ZBED4: variants seen among roughly 807,000 people sequenced by gnomAD.
ZBED4 encodes the protein zinc finger BED domain-containing protein 4.
In ZBED4, 4 loss-of-function variants were observed where a neutral mutation model predicts 15.5. The observed-to-expected ratio is 0.26, with a 90% CI of 0.13 to 0.59. ZBED4 has a LOEUF of 0.59. Among genes scored for constraint, ZBED4 ranks in the 20% least tolerant of loss-of-function variants. ZBED4 has a pLI of 0.90. For missense variants in ZBED4, 1,323 were observed against 1,461.8 expected (o/e 0.91, Z 1.55); for synonymous variants, 692 against 608.5 (o/e 1.14, Z -2.02).
chr22:49,866,661 A>G (rs796986541), intron 1 of ZBED4, among the ~76,000 whole-genome samples: 10 of 152,282 alleles, frequency 6.6e-5, no homozygotes, highest in African/African-American at 2.2e-4. Context: ...TTCTGTGAGC[A>G]TATTTCGTTA....
Position 49,886,794 on chromosome 22 carries a change from T to C in ZBED4, c.3132T>C (p.Ala1044=). Residue 1044 remains alanine (A), a synonymous_variant, in exon 2 of 2, where the codon GCT becomes GCC. Transcript: ENST00000216268. This position sits in a 1 kb window ranked among gnomAD's most constrained non-coding sequence, Gnocchi z 7.7. ...TGAATTCTACCTCAGAGGACGTGGC[T>C]GCCTCCCACAGGTGTGATGCTGGCT... ...ELMNSTSEDV[A]ASHRCDAGSP... 3.7e-6 allele frequency: 6 copies of C among 1,613,020 alleles called. No individual in the cohort carries two copies. The highest frequency in any genetic ancestry group is 5.1e-6 in the Non-Finnish European group (6 of 1,179,454).
chr22:49,876,343 C>T (rs148388620), intron 1 of ZBED4, among the ~76,000 whole-genome samples: 6 of 151,972 alleles, frequency 3.9e-5, no homozygotes, highest in Non-Finnish European at 8.8e-5. Flanking sequence ...TTTTTATGTA[C>T]CTGTTGGTTA....
chr22:49,871,760 T>TTTA (rs1555923867), intron 1 of ZBED4, among the ~76,000 whole-genome samples: 10 of 128,698 alleles, frequency 7.8e-5, no homozygotes, highest in Middle Eastern at 3.5e-3. Flanking sequence ...TTTATTTATT[T>TTTA]TTTTTTTTTT....
In ZBED4 at chr22:49,853,871, G is replaced by C. The variant is rs1377185092; in HGVS notation, c.-448G>C. 1 of 144,840 alleles carries C rather than the reference G, an allele frequency of 6.9e-6. No individual in the cohort carries two copies. Among genetic ancestry groups the C allele is most frequent in the Non-Finnish European group, 1.5e-5 (1 of 65,258 alleles). The allele number at this position is 144,840 out of a possible 1,614,324, so 9.0% of individuals were successfully genotyped here. On this transcript the variant is annotated 5_prime_UTR_variant, in exon 1 of 2. Coordinates refer to ENST00000216268, the MANE Select transcript of ZBED4 (RefSeq NM_014838.3). ...AGCGTCCGGCGGCGTCGCGGGCGGCGGGCGGCGGGGCCGCGGGAGGGGCGC... is the reference window on the plus strand; with the variant it reads ...AGCGTCCGGCGGCGTCGCGGGCGGCCGGCGGCGGGGCCGCGGGAGGGGCGC...
At chr22:49,883,187 T>C (rs2060418411) in intron 1 of ZBED4, 147 bp from the exon 2 acceptor site, 1 of 152,628 alleles carries the variant, frequency 6.6e-6, no homozygotes, top group South Asian at 2.1e-4. Context: ...TGTAAACGGA[T>C]TGCAGGAAGT....
chr22:49,857,169 G>A (rs920015967), intron 1 of ZBED4, among the ~76,000 whole-genome samples: 6 of 152,254 alleles, frequency 3.9e-5, no homozygotes, highest in East Asian at 1.9e-4. Context: ...GAGCAGGGTC[G>A]GGAGCATGTG....
In ZBED4 at chr22:49,885,697, G is replaced by A. The variant is rs754867274; in HGVS notation, c.2035G>A (p.Val679Ile). 2.4e-5 allele frequency: 39 copies of A among 1,610,196 alleles called. No individual in the cohort carries two copies. The highest frequency in any genetic ancestry group is 3.1e-5 in the Non-Finnish European group (36 of 1,176,954). The part of the protein sequence containing the change: ...DLQPYSFVDN[V>I]GFNRLLEYLK... ...CCAGCCATATTCTTTTGTAGACAAC[G>A]TTGGCTTTAACAGGCTGCTTGAATA... is the stretch of plus-strand genomic sequence containing the variant. Residue 679 changes from valine (V) to isoleucine (I), a missense_variant, in exon 2 of 2, where the codon GTT becomes ATT. By Grantham distance (29) the Val-to-Ile change is conservative. This residue lies in a region of ZBED4 where 89 missense variants were observed against 129.8 expected (regional missense o/e 0.69). Transcript: ENST00000216268.
intron 1 of ZBED4, among the ~76,000 whole-genome samples, chr22:49,866,741 C>A (rs1226435697): frequency 6.6e-6 from 1 of 152,150 alleles, no homozygotes; most frequent in Non-Finnish European, 1.5e-5. Context: ...GAATTCTTTT[C>A]TGTTGCCTAT....
Position 49,884,575 on chromosome 22 carries a change from G to A in ZBED4, c.913G>A (p.Val305Ile). ...GTCGCCACTGGACAACTCCAAAGCT[G>A]TCTGCATTCACTGCATGAACGAGTT... ...YLSPLDNSKA[V>I]CIHCMNEFSR... The change falls in exon 2 of 2, where the codon GTC (valine) becomes ATC (isoleucine). Residue 305 changes from valine (V) to isoleucine (I), a missense_variant. Around this residue, in one of 6 missense-constraint regions of ZBED4, gnomAD observed 380 missense variants for 413.7 expected, o/e 0.92. Transcript: ENST00000216268. 6.2e-7 allele frequency: 1 copy of A among 1,612,868 alleles called. No individual in the cohort carries two copies. The highest frequency in any genetic ancestry group is 8.5e-7 in the Non-Finnish European group (1 of 1,179,358).
chr22:49,885,341 C>T lies in ZBED4; in HGVS notation c.1679C>T (p.Thr560Ile). The change falls in exon 2 of 2, where the codon ACC (threonine) becomes ATC (isoleucine). Residue 560 changes from threonine to isoleucine, a missense_variant. Physicochemically the swap from Thr to Ile is moderately conservative, Grantham distance 89 (BLOSUM62 -1). This residue lies in a region of ZBED4 where 429 missense variants were observed against 397.9 expected (regional missense o/e 1.08). Coordinates refer to ENST00000216268, the MANE Select transcript of ZBED4 (RefSeq NM_014838.3). ...QVMFPVNSKK[T>I]SKLWNHFSIC... is the part of the protein sequence containing the mutation. Reference sequence around the variant, plus strand: ...ATGTTTCCTGTTAATAGCAAAAAGACCTCGAAGCTGTGGAATCATTTTTCT... The same window carrying T: ...ATGTTTCCTGTTAATAGCAAAAAGATCTCGAAGCTGTGGAATCATTTTTCT... 2.5e-6 allele frequency: 4 copies of T among 1,590,016 alleles called. No homozygotes were observed. The highest frequency in any genetic ancestry group is 3.4e-6 in the Non-Finnish European group (4 of 1,165,658).
In ZBED4 at chr22:49,885,539, A is replaced by C. The variant is rs1167116902; in HGVS notation, c.1877A>C (p.Asp626Ala). 6.2e-7 allele frequency: 1 copy of C among 1,607,112 alleles called. No individual in the cohort carries two copies. Among genetic ancestry groups the C allele is most frequent in the Admixed American group, 1.7e-5 (1 of 59,824 alleles). Residue 626 changes from aspartate to alanine, a missense_variant, in exon 2 of 2, where the codon GAC (aspartate) becomes GCC (alanine). By Grantham distance (126) the Asp-to-Ala change is moderately radical. Coordinates refer to ENST00000216268, the MANE Select transcript of ZBED4 (RefSeq NM_014838.3). ...GAGACGGCTCGGCCCTCCTCTCCGG[A>C]CACCCGGGTGCCGCGGGGCACAGAA... ...VSETARPSSP[D>A]TRVPRGTELS...
intron 1 of ZBED4, among the ~76,000 whole-genome samples, chr22:49,875,581 C>T (rs775885180): frequency 1.8e-4 from 28 of 151,720 alleles, no homozygotes; most frequent in Non-Finnish European, 1.5e-4. Context: ...CCACCACGCC[C>T]GGCTAATTTT....
At position 49,884,304 on chromosome 22, in the gene ZBED4, T is replaced by C; in HGVS notation, c.642T>C (p.Ser214=). ...TCAAACTTGTCCAGAAAGTGGCGTCTAAGATCCCGTCCCCCGATCGAATAA... is the reference window on the plus strand; with the variant it reads ...TCAAACTTGTCCAGAAAGTGGCGTCCAAGATCCCGTCCCCCGATCGAATAA... ...SPIKLVQKVA[S]KIPSPDRITE... is the part of the protein sequence containing the mutation. The change falls in exon 2 of 2, where the codon TCT becomes TCC. Residue 214 remains serine (S), a synonymous_variant. Coordinates refer to ENST00000216268, the MANE Select transcript of ZBED4 (RefSeq NM_014838.3). 1 of 1,613,640 alleles carries C rather than the reference T, an allele frequency of 6.2e-7. No homozygotes were observed. Among genetic ancestry groups the C allele is most frequent in the Admixed American group, 1.7e-5 (1 of 59,976 alleles).
In ZBED4 at chr22:49,884,693, G is replaced by C; in HGVS notation, c.1031G>C (p.Gly344Ala). ...CGCGCCATCGTGTTGCAGGAGAACG[G>C]GGGCACGGGCATCCCGCCACTGTAC... is the stretch of plus-strand genomic sequence containing the variant. Reference protein sequence around the residue: ...AHRAIVLQENGGTGIPPLYST... With the variant: ...AHRAIVLQENAGTGIPPLYST... The change falls in exon 2 of 2, where the codon GGG (glycine) becomes GCG (alanine). Residue 344 changes from glycine (G) to alanine (A), a missense_variant. Coordinates refer to ENST00000216268, the MANE Select transcript of ZBED4 (RefSeq NM_014838.3). 2 of 1,602,264 alleles carry C rather than the reference G, an allele frequency of 1.2e-6. No homozygotes were observed. The highest frequency in any genetic ancestry group is 1.7e-6 in the Non-Finnish European group (2 of 1,173,564).
At position 49,885,042 on chromosome 22, in the gene ZBED4, G is replaced by A. The variant is rs1442660355; in HGVS notation, c.1380G>A (p.Glu460=). ...NKKVMKRLKS[E]VWHHFSLAPM... ...AGGTCATGAAAAGACTGAAGTCGGA[G>A]GTCTGGCATCACTTCTCCCTGGCCC... The change falls in exon 2 of 2, where the codon GAG becomes GAA. Residue 460 remains glutamate (E), a synonymous_variant. Coordinates refer to ENST00000216268, the MANE Select transcript of ZBED4 (RefSeq NM_014838.3). 3 of 1,612,400 alleles carry A rather than the reference G, an allele frequency of 1.9e-6. No homozygotes were observed. The highest frequency in any genetic ancestry group is 2.5e-6 in the Non-Finnish European group (3 of 1,179,178).
Position 49,885,610 on chromosome 22 carries a change from G to A in ZBED4, c.1948G>A (p.Asp650Asn), listed in dbSNP as rs937036902. 27 of 1,610,080 alleles carry A rather than the reference G, an allele frequency of 1.7e-5. No homozygotes were observed. The highest frequency in any genetic ancestry group is 2.0e-5 in the Non-Finnish European group (24 of 1,177,114). The change falls in exon 2 of 2, where the codon GAT becomes AAT. Residue 650 changes from aspartate to asparagine, a missense_variant. This residue lies in a region of ZBED4 where 89 missense variants were observed against 129.8 expected (regional missense o/e 0.69). Transcript: ENST00000216268. ...SFDDTNEKFY[D>N]SHPVAKKITS... ...TGATGACACCAATGAGAAGTTTTACGATTCTCACCCAGTTGCCAAAAAAAT... is the reference window on the plus strand; with the variant it reads ...TGATGACACCAATGAGAAGTTTTACAATTCTCACCCAGTTGCCAAAAAAAT...
At chr22:49,855,631 G>A (rs2060272152) in intron 1 of ZBED4, among the ~76,000 whole-genome samples, 1 of 152,160 alleles carries the variant, frequency 6.6e-6, no homozygotes, top group Non-Finnish European at 1.5e-5. Flanking sequence ...CCTGGGGAGT[G>A]GACTCCTGGC....
chr22:49,862,502 TATG>T (rs1226150838), intron 1 of ZBED4, among the ~76,000 whole-genome samples: 1 of 152,074 alleles, frequency 6.6e-6, no homozygotes, highest in East Asian at 1.9e-4. Context: ...TAATGAGTCA[TATG>T]ATAAGATGGA....
chr22:49,885,852 C>A lies in ZBED4; in HGVS notation c.2190C>A (p.Phe730Leu). ...LKEAESGVIH[F>L]TSGIWMSNQT... ...AAGCTGAGAGTGGTGTGATCCACTT[C>A]ACGTCTGGAATATGGATGAGTAACC... Residue 730 changes from phenylalanine to leucine, a missense_variant, in exon 2 of 2, where the codon TTC (phenylalanine) becomes TTA (leucine). This residue lies in a region of ZBED4 where 89 missense variants were observed against 129.8 expected (regional missense o/e 0.69). Coordinates refer to ENST00000216268, the MANE Select transcript of ZBED4 (RefSeq NM_014838.3). The A allele has an allele frequency of 6.9e-7, 1 of 1,449,090 alleles. No homozygotes were observed. The highest frequency in any genetic ancestry group is 9.7e-7 in the Non-Finnish European group (1 of 1,030,838). The allele number at this position is 1,449,090 out of a possible 1,614,324, so 89.8% of individuals were successfully genotyped here. A position where few individuals can be genotyped will look rare whatever the true frequency, so the allele number is the denominator to read the frequency against.
Sources: allele counts gnomAD v4.1 joint callset (sites outside exome capture counted in the v4.1 genomes callset), GRCh38; gene constraint gnomAD v4.1.1; regional missense constraint gnomAD v4.1.1; non-coding constraint Gnocchi (gnomAD v3.1); transcripts MANE v1.5; gene names NCBI Gene and HGNC (gene_info 2026-07-23, HGNC 2026-07-21).